VSNL1: variants seen among roughly 807,000 people sequenced by gnomAD.
The protein encoded by VSNL1 is visinin like 1, also known as visinin-like protein 1.
VSNL1 carries 6 observed loss-of-function variants against 20.4 expected under a neutral mutation model. That is an observed-to-expected ratio of 0.29 (90% confidence interval 0.16 to 0.58). VSNL1 has a LOEUF of 0.58. Among genes scored for constraint, VSNL1 ranks in the 20% least tolerant of loss-of-function variants. The pLI is 0.90. For missense variants in VSNL1, 100 were observed against 234.5 expected (o/e 0.43, Z 3.75); for synonymous variants, 93 against 86.4 (o/e 1.08, Z -0.42).
At chr2:17,583,927 T>G (rs1347592760) in intron 1 of VSNL1, among the ~76,000 whole-genome samples, 1 of 152,242 alleles carries the variant, frequency 6.6e-6, no homozygotes, top group Non-Finnish European at 1.5e-5. Flanking sequence ...CCCAGTTGGC[T>G]GGGTCCTGTG....
intron 2 of VSNL1, among the ~76,000 whole-genome samples, chr2:17,602,748 A>T (rs1339583771): frequency 1.4e-5 from 2 of 141,846 alleles, no homozygotes; most frequent in Non-Finnish European, 3.3e-5. Flanking sequence ...TCAAAAACAT[A>T]AATATAAAAT....
chr2:17,553,182 A>G (rs1663586413), intron 1 of VSNL1, among the ~76,000 whole-genome samples: 1 of 152,172 alleles, frequency 6.6e-6, no homozygotes, highest in African/African-American at 2.4e-5. Flanking sequence ...TTGGCAACTG[A>G]TCTTTTGAGA....
chr2:17,619,096 C>T (rs1344674161), intron 2 of VSNL1, among the ~76,000 whole-genome samples: 1 of 152,196 alleles, frequency 6.6e-6, no homozygotes, highest in Non-Finnish European at 1.5e-5. Context: ...CAGGATGCTT[C>T]ACAAGCTCCT....
At chr2:17,558,913 T>A (rs932875552) in intron 1 of VSNL1, among the ~76,000 whole-genome samples, 5 of 152,148 alleles carry the variant, frequency 3.3e-5, no homozygotes, top group Admixed American at 3.3e-4. Context: ...CAGATAACAA[T>A]GGCTTAAATA....
chr2:17,557,949 G>A (rs1663727079), intron 1 of VSNL1, among the ~76,000 whole-genome samples: 2 of 152,182 alleles, frequency 1.3e-5, no homozygotes, highest in African/African-American at 4.8e-5. Flanking sequence ...ACAACTCTAT[G>A]TGCTTCTACA....
chr2:17,547,922 A>G (rs1663438381), intron 1 of VSNL1, among the ~76,000 whole-genome samples: 1 of 152,130 alleles, frequency 6.6e-6, no homozygotes, highest in African/African-American at 2.4e-5. Context: ...GAACTTCAAT[A>G]AAAAACGTTT....
intron 2 of VSNL1, among the ~76,000 whole-genome samples, chr2:17,641,740 C>T (rs1276189086): frequency 2.0e-5 from 3 of 151,930 alleles, no homozygotes; most frequent in Non-Finnish European, 4.4e-5. Flanking sequence ...CTTATAGGTA[C>T]AGAGATGGAA....
chr2:17,635,200 T>A (rs890365274), intron 2 of VSNL1, among the ~76,000 whole-genome samples: 1 of 151,966 alleles, frequency 6.6e-6, no homozygotes, highest in Non-Finnish European at 1.5e-5. Flanking sequence ...GGGGTGTGTG[T>A]CTCCTAGACG....
chr2:17,544,234 T>A (rs1663358987), intron 1 of VSNL1, among the ~76,000 whole-genome samples: 1 of 152,128 alleles, frequency 6.6e-6, no homozygotes, highest in African/African-American at 2.4e-5. Flanking sequence ...ATTTAACCCC[T>A]CCTCTGTTGG....
At chr2:17,647,494 G>A (rs962119121) in intron 2 of VSNL1, among the ~76,000 whole-genome samples, 12 of 152,190 alleles carry the variant, frequency 7.9e-5, no homozygotes, top group Non-Finnish European at 1.6e-4. Context: ...GACCACTCAT[G>A]CATAAGGCAC....
intron 2 of VSNL1, among the ~76,000 whole-genome samples, chr2:17,624,034 CA>C (rs1421438258): frequency 6.6e-6 from 1 of 152,154 alleles, no homozygotes; most frequent in Non-Finnish European, 1.5e-5. Flanking sequence ...GTCCAAGAAC[CA>C]ACTGGAATTC....
chr2:17,548,175 C>A (rs561207717), intron 1 of VSNL1, among the ~76,000 whole-genome samples: 1 of 152,136 alleles, frequency 6.6e-6, no homozygotes, highest in African/African-American at 2.4e-5. Flanking sequence ...TCCTACTGAA[C>A]CAAAAACAAT....
intron 2 of VSNL1, among the ~76,000 whole-genome samples, chr2:17,605,281 A>G (rs946239556): frequency 2.6e-5 from 4 of 152,236 alleles, no homozygotes; most frequent in African/African-American, 9.6e-5. Flanking sequence ...GATCTGCTCC[A>G]GGGGACTATG....
intron 3 of VSNL1, among the ~76,000 whole-genome samples, chr2:17,654,148 T>A (rs893391757): frequency 2.0e-5 from 3 of 152,264 alleles, no homozygotes; most frequent in African/African-American, 7.2e-5. Context: ...TGGCTATTAA[T>A]AATACTGCTA....
Position 17,655,454 on chromosome 2 carries a change from TTC to T in VSNL1, c.*61_*62del, listed in dbSNP as rs1666209683. The T allele has an allele frequency of 2.6e-6, 2 of 765,282 alleles. No homozygotes were observed. The highest frequency in any genetic ancestry group is 2.3e-5 in the Admixed American group (1 of 43,938). 47.4% of individuals were successfully genotyped at this position (765,282 alleles called of 1,614,324 possible). On this transcript the variant is annotated 3_prime_UTR_variant, in exon 4 of 4. Transcript: ENST00000295156. The surrounding 1 kb of genome is among the most constrained non-coding windows in gnomAD (Gnocchi z 5.2). ...CAATGTTCCATTCAGTCTGCAGCTA[TTC>T]ACACACACACACACACACACACACA...
rs5829599 is a variant in VSNL1, at chr2:17,623,669, C to CAA, written c.163-25719_163-25718dup. On this transcript the variant is annotated intron_variant, in intron 2 of 3. Transcript: ENST00000295156. ...TGGGCGACAGAGTGAGACTCCATCT[C>CAA]AAAAAAAAAAAAAAAAAAAAAAATC... 2.8e-3 allele frequency among the ~76,000 whole-genome samples: 194 copies of CAA among 70,150 alleles called. 2 individuals carry two copies. Among genetic ancestry groups the CAA allele is most frequent in the African/African-American group, 5.9e-3 (103 of 17,484 alleles). 46.0% of individuals were successfully genotyped at this position (70,150 alleles called of 152,430 possible). A position where few individuals can be genotyped will look rare whatever the true frequency, so the allele number is the denominator to read the frequency against.
At chr2:17,608,791 T>A (rs927934578) in intron 2 of VSNL1, among the ~76,000 whole-genome samples, 1 of 152,184 alleles carries the variant, frequency 6.6e-6, no homozygotes, top group African/African-American at 2.4e-5. Context: ...CACCATTTAG[T>A]TTTACGATTT....
chr2:17,591,306 G>T (rs572121721), intron 1 of VSNL1, among the ~76,000 whole-genome samples: 6 of 152,292 alleles, frequency 3.9e-5, no homozygotes, highest in African/African-American at 1.4e-4. Context: ...CTGCTGTGAT[G>T]TTGGCCACAC....
chr2:17,584,803 C>T (rs1664430382), intron 1 of VSNL1, among the ~76,000 whole-genome samples: 1 of 152,118 alleles, frequency 6.6e-6, no homozygotes, highest in African/African-American at 2.4e-5. Flanking sequence ...TCAGTCTTAT[C>T]GTTGAGACTT....
Sources: gnomAD v4.1 joint callset for allele counts (sites outside exome capture counted in the v4.1 genomes callset) on GRCh38, gnomAD v4.1.1 for gene constraint, Gnocchi (gnomAD v3.1) non-coding constraint, MANE v1.5 for transcripts, NCBI Gene and HGNC (gene_info 2026-07-23, HGNC 2026-07-21) for gene names.